CCDC15: variants seen among roughly 807,000 people sequenced by gnomAD.
CCDC15 encodes coiled-coil domain-containing protein 15.
Under a neutral mutation model 114.5 loss-of-function variants are expected in CCDC15, and 105 were observed. The ratio of observed to expected loss-of-function variants is 0.92; its 90% CI spans 0.78 to 1.08. CCDC15 has a LOEUF of 1.08. Among genes scored for constraint, CCDC15 ranks in the 50% least tolerant of loss-of-function variants. CCDC15 has a pLI of 0.00. For synonymous variants in CCDC15, 334 were observed against 377.8 expected, an observed-to-expected ratio of 0.88 and a Z score of 1.34; for missense variants, 1,105 against 1,093.6, an observed-to-expected ratio of 1.01 and a Z score of -0.15.
At chr11:124,985,654 C>T (rs184591805) in intron 6 of CCDC15, among the ~76,000 whole-genome samples, 1 of 151,612 alleles carries the variant, frequency 6.6e-6, no homozygotes, top group Admixed American at 6.6e-5. Flanking sequence ...CATGCATGTG[C>T]TTTACCCATT....
At chr11:124,955,803 A>G (rs929463413) in intron 2 of CCDC15, among the ~76,000 whole-genome samples, 2 of 152,216 alleles carry the variant, frequency 1.3e-5, no homozygotes, top group African/African-American at 2.4e-5. Flanking sequence ...GCACATATGT[A>G]TGTATATTCA....
At chr11:124,955,161 T>C (rs1035346706) in intron 2 of CCDC15, among the ~76,000 whole-genome samples, 2 of 152,220 alleles carry the variant, frequency 1.3e-5, no homozygotes. Context: ...TGGAACAGGT[T>C]ATATAGATAT....
chr11:124,973,313 T>C (rs2135454857), intron 4 of CCDC15, among the ~76,000 whole-genome samples: 2 of 152,224 alleles, frequency 1.3e-5, no homozygotes, highest in Non-Finnish European at 2.9e-5. Flanking sequence ...AACACCTACC[T>C]TAAGTGTCAA....
chr11:125,011,386 T>C (rs1948592520), intron 13 of CCDC15, among the ~76,000 whole-genome samples: 1 of 151,918 alleles, frequency 6.6e-6, no homozygotes, highest in African/African-American at 2.4e-5. Context: ...CACAGGCGTA[T>C]GCCACCAAGC....
chr11:124,958,351 T>A, intron 2 of CCDC15, among the ~76,000 whole-genome samples: 1 of 148,588 alleles, frequency 6.7e-6, no homozygotes, highest in South Asian at 2.1e-4. Flanking sequence ...TAATTAACAC[T>A]ATGAGTTTTT....
At chr11:125,005,002 G>A in intron 12 of CCDC15, 107 bp from the exon 13 acceptor site, 1 of 547,450 alleles carries the variant, frequency 1.8e-6, no homozygotes. Context: ...TATATCATCT[G>A]TTTCTGTTTG....
chr11:124,999,980 G>C (rs1451134828), intron 11 of CCDC15, among the ~76,000 whole-genome samples: 2 of 147,928 alleles, frequency 1.4e-5, no homozygotes, highest in Non-Finnish European at 3.0e-5. Context: ...TCGTGTCTCA[G>C]CCTCCCTAGT....
chr11:124,965,532 T>G (rs1947759702), intron 4 of CCDC15, among the ~76,000 whole-genome samples: 3 of 152,304 alleles, frequency 2.0e-5, no homozygotes, highest in African/African-American at 7.2e-5. Flanking sequence ...TCTTCTCTCT[T>G]TTCTTCTTTA....
At chr11:124,983,121 G>A (rs1948099590) in intron 6 of CCDC15, among the ~76,000 whole-genome samples, 1 of 152,098 alleles carries the variant, frequency 6.6e-6, no homozygotes, top group Non-Finnish European at 1.5e-5. Context: ...TTCTTGTAGT[G>A]TGTTTTTCAG....
chr11:124,999,410 C>G (rs1948433402), intron 11 of CCDC15, among the ~76,000 whole-genome samples: 1 of 151,722 alleles, frequency 6.6e-6, no homozygotes, highest in African/African-American at 2.4e-5. Context: ...AATTTTAGAC[C>G]TTTTGATATT....
intron 9 of CCDC15, among the ~76,000 whole-genome samples, chr11:124,991,851 T>G (rs1440227899): frequency 6.6e-6 from 1 of 152,102 alleles, no homozygotes; most frequent in Admixed American, 6.5e-5. Flanking sequence ...GCCTGGCTAA[T>G]TTTTGTTTTT....
At chr11:124,992,407 A>C (rs926703513) in intron 9 of CCDC15, among the ~76,000 whole-genome samples, 173 bp from the exon 10 acceptor site, 2 of 152,246 alleles carry the variant, frequency 1.3e-5, no homozygotes, top group African/African-American at 4.8e-5. Flanking sequence ...ATTAAGAATT[A>C]AGGTCTACAT....
chr11:124,960,934 T>C (rs2135431680), intron 4 of CCDC15, among the ~76,000 whole-genome samples: 1 of 152,348 alleles, frequency 6.6e-6, no homozygotes, highest in East Asian at 1.9e-4. Context: ...GTATTACTGC[T>C]TAACATACTT....
At chr11:124,995,344 C>G (rs2135499344) in intron 11 of CCDC15, among the ~76,000 whole-genome samples, 1 of 152,218 alleles carries the variant, frequency 6.6e-6, no homozygotes, top group South Asian at 2.1e-4. Context: ...CAGTACAAAA[C>G]AATTTGTAGT....
rs878887902 is a variant in CCDC15, at chr11:124,986,700, T to TGTGTGTGTGTGTGC, written c.754-41_754-40insTGTGTGTGTGTGCG. On this transcript the variant is annotated intron_variant, in intron 6 of 15. Coordinates refer to ENST00000344762, the MANE Select transcript of CCDC15 (RefSeq NM_025004.3). ...GTGTGTGTGTGTGTGTTTGTGTGTG[T>TGTGTGTGTGTGTGC]GCGCGCGCGCGCGTGCGCGTTTTCA... 7,249 of 1,348,040 alleles carry TGTGTGTGTGTGTGC rather than the reference T, an allele frequency of 5.4e-3. 110 individuals are homozygous for TGTGTGTGTGTGTGC. The highest frequency in any genetic ancestry group is 0.01 in the Admixed American group (416 of 41,594). The allele number at this position is 1,348,040 out of a possible 1,614,324, so 83.5% of individuals were successfully genotyped here.
chr11:124,991,756 T>G (rs1367296284), intron 9 of CCDC15, among the ~76,000 whole-genome samples, 173 bp downstream of exon 9: 1 of 152,226 alleles, frequency 6.6e-6, no homozygotes, highest in East Asian at 1.9e-4. Flanking sequence ...CAATCTCGAC[T>G]CATTGCAACC....
At chr11:125,018,096 A>G (rs922234185) in intron 13 of CCDC15, among the ~76,000 whole-genome samples, 2 of 152,164 alleles carry the variant, frequency 1.3e-5, no homozygotes, top group African/African-American at 4.8e-5. Context: ...GTAGTATATC[A>G]TAATGACCTA....
At chr11:125,006,556 G>T (rs1401915244) in intron 13 of CCDC15, among the ~76,000 whole-genome samples, 2 of 152,036 alleles carry the variant, frequency 1.3e-5, no homozygotes, top group Non-Finnish European at 2.9e-5. Flanking sequence ...TTCATGGATT[G>T]TGCCTTTGGT....
intron 13 of CCDC15, among the ~76,000 whole-genome samples, chr11:125,011,240 TTATTATTA>T (rs1948589970): frequency 1.5e-5 from 2 of 129,940 alleles, no homozygotes; most frequent in African/African-American, 6.7e-5. Context: ...ATTATTATTA[TTATTATTA>T]TTTTTTAAGA....
Sources: gnomAD v4.1 joint callset for allele counts (sites outside exome capture counted in the v4.1 genomes callset) on GRCh38, gnomAD v4.1.1 for gene constraint, MANE v1.5 for transcripts, NCBI Gene and HGNC (gene_info 2026-07-23, HGNC 2026-07-21) for gene names.